KALRN: variants seen among roughly 807,000 people sequenced by gnomAD.
The protein encoded by KALRN is kalirin.
KALRN carries 70 observed loss-of-function variants against 353.7 expected under a neutral mutation model. The observed-to-expected ratio is 0.20, with a 90% CI of 0.16 to 0.24. KALRN has a LOEUF of 0.24. KALRN is among the 10% of genes least tolerant of loss of function. The pLI is 1.00. For missense variants in KALRN, 2,791 were observed against 3,756.7 expected (o/e 0.74, Z 6.72); for synonymous variants, 1,391 against 1,434.8 (o/e 0.97, Z 0.69).
At chr3:124,451,082 A>C (rs539298865) in intron 21 of KALRN, among the ~76,000 whole-genome samples, 37 of 152,324 alleles carry the variant, frequency 2.4e-4, no homozygotes, top group African/African-American at 8.7e-4. Flanking sequence ...ATTATAAGGA[A>C]TATCAATAAT....
intron 25 of KALRN, among the ~76,000 whole-genome samples, chr3:124,465,117 A>G (rs1301416932): frequency 1.3e-5 from 2 of 152,132 alleles, no homozygotes; most frequent in Admixed American, 1.3e-4. Flanking sequence ...ATCAAGCTTC[A>G]TATTAATTTC....
At chr3:124,238,672 A>G (rs1213127071) in intron 3 of KALRN, among the ~76,000 whole-genome samples, 3 of 152,196 alleles carry the variant, frequency 2.0e-5, no homozygotes, top group South Asian at 2.1e-4. Flanking sequence ...GATTTTGTCT[A>G]TACCTTAAAT....
chr3:124,375,848 G>A (rs1307150513), intron 10 of KALRN, among the ~76,000 whole-genome samples: 1 of 152,146 alleles, frequency 6.6e-6, no homozygotes, highest in Admixed American at 6.5e-5. Flanking sequence ...AATGAAGAGA[G>A]TTATTGAGAA....
chr3:124,699,759 G>A, intron 55 of KALRN, 110 bp from the exon 56 acceptor site: 3 of 1,021,070 alleles, frequency 2.9e-6, no homozygotes, highest in Non-Finnish European at 4.4e-6. Flanking sequence ...GTAACCACAA[G>A]CATCCCTTGA....
At chr3:124,601,169 C>T (rs1474678402) in intron 34 of KALRN, among the ~76,000 whole-genome samples, 3 of 152,186 alleles carry the variant, frequency 2.0e-5, no homozygotes, top group Non-Finnish European at 4.4e-5. Flanking sequence ...TGGGGAAATA[C>T]AGGCATCTAT....
At chr3:124,489,901 A>G (rs149046896) in intron 29 of KALRN, among the ~76,000 whole-genome samples, 1 of 152,370 alleles carries the variant, frequency 6.6e-6, no homozygotes, top group African/African-American at 2.4e-5. Flanking sequence ...TAAAAACTTC[A>G]AGTGGTATAA....
intron 3 of KALRN, among the ~76,000 whole-genome samples, chr3:124,258,759 A>T (rs894792573): frequency 6.6e-6 from 1 of 152,204 alleles, no homozygotes; most frequent in South Asian, 2.1e-4. Context: ...TGCCTTCAGA[A>T]TTTCATATAT....
intron 55 of KALRN, 126 bp from the exon 56 acceptor site, chr3:124,699,743 G>C: frequency 1.1e-6 from 1 of 887,816 alleles, no homozygotes. Flanking sequence ...TTCAGAGCCT[G>C]ACACGGTAAC....
rs947981307 is a variant in KALRN, at chr3:124,237,817, C to G, written c.263+2874C>G. ...ACCTGGGTATTTTCCTACCCAGTGC[C>G]AAACCAGTAATAGTAAAAGGCAGCC... On this transcript the variant is annotated intron_variant, in intron 3 of 59. Coordinates refer to ENST00000682506, the MANE Select transcript of KALRN (RefSeq NM_001388419.1). Among the ~76,000 whole-genome samples the G allele has an allele frequency of 3.3e-5, 5 of 152,092 alleles. No individual in the cohort carries two copies. In the South Asian group the frequency reaches 1.0e-3, roughly 32 times the overall value.
At chr3:124,333,749 G>A (rs2080842931) in intron 8 of KALRN, among the ~76,000 whole-genome samples, 1 of 152,148 alleles carries the variant, frequency 6.6e-6, no homozygotes, top group South Asian at 2.1e-4. Context: ...TTAGCCAGGT[G>A]TGGTGGCAGG....
At chr3:124,315,350 C>G (rs532186928) in intron 6 of KALRN, among the ~76,000 whole-genome samples, 3 of 152,316 alleles carry the variant, frequency 2.0e-5, no homozygotes, top group East Asian at 3.9e-4. Flanking sequence ...CAGTTTTGCT[C>G]TAGTGCACAC....
At chr3:124,378,686 T>C (rs199638784) in intron 10 of KALRN, among the ~76,000 whole-genome samples, 1 of 74 alleles carries the variant, frequency 0.014, no homozygotes, top group Middle Eastern at 0.5. Flanking sequence ...CAGGTTTTGT[T>C]TTTTTTTTTA....
chr3:124,441,097 T>C (rs1462801689), intron 18 of KALRN, among the ~76,000 whole-genome samples: 1 of 152,192 alleles, frequency 6.6e-6, no homozygotes, highest in Admixed American at 6.5e-5. Context: ...GATATTTAGA[T>C]GAGGGGGACT....
intron 34 of KALRN, among the ~76,000 whole-genome samples, chr3:124,585,580 C>T (rs1428032724): frequency 6.6e-6 from 1 of 152,040 alleles, no homozygotes; most frequent in East Asian, 1.9e-4. Context: ...TCCCCCAAAG[C>T]AGCCGGCGAA....
intron 57 of KALRN, among the ~76,000 whole-genome samples, chr3:124,707,863 A>T (rs1327303990): frequency 6.6e-6 from 1 of 152,200 alleles, no homozygotes; most frequent in Non-Finnish European, 1.5e-5. Flanking sequence ...AGATCTCCTA[A>T]TTCTATATGA....
chr3:124,108,024 A>G (rs2062472771), intron 1 of KALRN, among the ~76,000 whole-genome samples: 1 of 152,210 alleles, frequency 6.6e-6, no homozygotes, highest in African/African-American at 2.4e-5. Flanking sequence ...TCACATCTTG[A>G]ACACCTGGAA....
chr3:124,330,055 G>A (rs2149433017), intron 8 of KALRN, 63 bp downstream of exon 8: 2 of 1,574,246 alleles, frequency 1.3e-6, no homozygotes, highest in South Asian at 1.2e-5. Context: ...GGTGATGAGG[G>A]CACTGGCCTG....
At chr3:124,671,028 C>T (rs1000779141) in intron 47 of KALRN, among the ~76,000 whole-genome samples, 1 of 152,174 alleles carries the variant, frequency 6.6e-6, no homozygotes. Flanking sequence ...TTCTACCTCT[C>T]GCTTTTACCA....
chr3:124,587,992 C>G (rs1375064485), intron 34 of KALRN, among the ~76,000 whole-genome samples: 1 of 151,908 alleles, frequency 6.6e-6, no homozygotes, highest in African/African-American at 2.4e-5. Context: ...CTGCACTTAG[C>G]CTTTTTGGTT....
Sources: gnomAD v4.1 joint callset for allele counts (sites outside exome capture counted in the v4.1 genomes callset) on GRCh38, gnomAD v4.1.1 for gene constraint, MANE v1.5 for transcripts, NCBI Gene and HGNC (gene_info 2026-07-23, HGNC 2026-07-21) for gene names.